The following RAD51B variants were observed in gnomAD, a reference collection of about 807,000 sequenced individuals.
The protein encoded by RAD51B is DNA repair protein RAD51 homolog 2.
RAD51B carries 38 observed loss-of-function variants against 42.2 expected under a neutral mutation model. That is an observed-to-expected ratio of 0.90 (90% CI 0.70 to 1.18). The LOEUF is 1.18. RAD51B is among the 50% of genes most tolerant of loss of function. The probability of loss-of-function intolerance (pLI) is 0.00; values close to 1 mark genes in which losing one functional copy is unlikely to be tolerated. For synonymous variants in RAD51B, 154 were observed against 145.2 expected (o/e 1.06, Z -0.43); for missense variants, 373 against 400.7 (o/e 0.93, Z 0.59).
chr14:68,330,836 G>C (rs1241234095), intron 8 of RAD51B, among the ~76,000 whole-genome samples: 3 of 152,020 alleles, frequency 2.0e-5, no homozygotes, highest in Admixed American at 6.6e-5. Context: ...GCAAATCATG[G>C]GACAGTTTAG....
intron 7 of RAD51B, among the ~76,000 whole-genome samples, chr14:68,279,209 C>T (rs2081277323): frequency 1.3e-5 from 2 of 152,186 alleles, no homozygotes; most frequent in African/African-American, 4.8e-5. Context: ...CAGGAGGAGT[C>T]CATGAGAAGG....
exon 11 of RAD51B, chr14:68,611,410 A>T (rs1891678026): frequency 4.9e-6 from 3 of 611,106 alleles, no homozygotes; most frequent in Admixed American, 5.2e-5. Context: ...TCTTCTCTAC[A>T]TCTTCCTCCC....
At chr14:68,120,158 A>G (rs1295925774) in intron 7 of RAD51B, among the ~76,000 whole-genome samples, 1 of 151,378 alleles carries the variant, frequency 6.6e-6, no homozygotes, top group Non-Finnish European at 1.5e-5. Context: ...CCACTTTTTG[A>G]TGGGGTTGTT....
At chr14:68,330,922 G>A (rs1296973233) in intron 8 of RAD51B, among the ~76,000 whole-genome samples, 2 of 152,142 alleles carry the variant, frequency 1.3e-5, no homozygotes, top group African/African-American at 2.4e-5. Context: ...GTCAGCTCTA[G>A]TATGTATGTG....
At chr14:67,946,325 A>G (rs1216887231) in intron 7 of RAD51B, among the ~76,000 whole-genome samples, 1 of 152,006 alleles carries the variant, frequency 6.6e-6, no homozygotes, top group Non-Finnish European at 1.5e-5. Context: ...TAAATTTTAA[A>G]TTTCATCCCT....
chr14:68,504,094 C>T (rs1232743093), intron 10 of RAD51B, among the ~76,000 whole-genome samples: 2 of 152,100 alleles, frequency 1.3e-5, no homozygotes, highest in Admixed American at 1.3e-4. Flanking sequence ...TAGTACCTTT[C>T]GTTTTAGGCA....
chr14:68,550,344 T>C (rs1888471594), intron 10 of RAD51B, among the ~76,000 whole-genome samples: 1 of 152,240 alleles, frequency 6.6e-6, no homozygotes, highest in Non-Finnish European at 1.5e-5. Context: ...TAAGTGATTA[T>C]TCATGGAATC....
At chr14:68,331,319 G>T (rs950182213) in intron 8 of RAD51B, among the ~76,000 whole-genome samples, 5 of 127,642 alleles carry the variant, frequency 3.9e-5, no homozygotes, top group African/African-American at 1.2e-4. Context: ...AATGAGCCAA[G>T]ATCATGCCAC....
intron 7 of RAD51B, among the ~76,000 whole-genome samples, chr14:67,975,352 A>G (rs2074973443): frequency 6.6e-6 from 1 of 152,122 alleles, no homozygotes; most frequent in Non-Finnish European, 1.5e-5. Context: ...CTTATTAATA[A>G]CCAGTTGTGA....
At chr14:68,670,825 A>G (rs1893140889) in intron 11 of RAD51B, among the ~76,000 whole-genome samples, 1 of 151,874 alleles carries the variant, frequency 6.6e-6, no homozygotes, top group South Asian at 2.1e-4. Context: ...AGTACCAAAG[A>G]CCCTTTCTTT....
At chr14:68,429,708 C>G (rs968343700) in intron 9 of RAD51B, among the ~76,000 whole-genome samples, 2 of 152,154 alleles carry the variant, frequency 1.3e-5, no homozygotes, top group Non-Finnish European at 2.9e-5. Flanking sequence ...TGCCTGTTCA[C>G]TCTGATGGTA....
chr14:68,112,157 T>C (rs564977236), intron 7 of RAD51B, among the ~76,000 whole-genome samples: 12 of 152,086 alleles, frequency 7.9e-5, no homozygotes, highest in African/African-American at 2.4e-4. Flanking sequence ...TAACCTCATA[T>C]AGGAAATTCA....
At chr14:67,868,911 A>G (rs1402019286) in intron 5 of RAD51B, among the ~76,000 whole-genome samples, 2 of 152,274 alleles carry the variant, frequency 1.3e-5, no homozygotes, top group South Asian at 4.1e-4. Context: ...AACAGAAAGG[A>G]CATCCACACC....
intron 10 of RAD51B, among the ~76,000 whole-genome samples, chr14:68,496,738 G>A (rs1406903223): frequency 6.6e-6 from 1 of 152,204 alleles, no homozygotes; most frequent in Non-Finnish European, 1.5e-5. Context: ...ATAGGAGGAG[G>A]TCAAAATATC....
At chr14:68,114,783 T>C (rs1017559813) in intron 7 of RAD51B, among the ~76,000 whole-genome samples, 3 of 152,200 alleles carry the variant, frequency 2.0e-5, no homozygotes, top group African/African-American at 7.2e-5. Flanking sequence ...GTATTATTTA[T>C]TGAGTGTTAA....
intron 9 of RAD51B, among the ~76,000 whole-genome samples, chr14:68,447,804 AC>A (rs2085457198): frequency 6.6e-6 from 1 of 152,066 alleles, no homozygotes; most frequent in Non-Finnish European, 1.5e-5. Flanking sequence ...CAAAAATACA[AC>A]CTTTTCTGGG....
rs565370338 is a variant in RAD51B at position 68,309,344 on chromosome 14, G to A, written c.853+17364G>A. Among the ~76,000 whole-genome samples, 40 of 152,250 alleles carry A rather than the reference G, an allele frequency of 2.6e-4. 2 individuals are homozygous for A. In the South Asian group the frequency reaches 6.8e-3, roughly 26 times the overall value. On this transcript the variant is annotated intron_variant, in intron 8 of 10. Transcript: ENST00000471583. ...TTTTTAAAGTAAAAGCCAAGTCAAT[G>A]GCACTGGTACTTGTAGTGAAATGAG...
At chr14:68,209,562 A>G (rs1008190983) in intron 7 of RAD51B, among the ~76,000 whole-genome samples, 2 of 152,172 alleles carry the variant, frequency 1.3e-5, no homozygotes, top group Non-Finnish European at 2.9e-5. Context: ...TCCAACATTT[A>G]AAAGAGCAGA....
chr14:68,356,720 G>A (rs1312080206), intron 8 of RAD51B, among the ~76,000 whole-genome samples: 1 of 151,962 alleles, frequency 6.6e-6, no homozygotes, highest in Non-Finnish European at 1.5e-5. Context: ...GGTGGCTCAC[G>A]CCTGTAATCC....
Sources: allele counts gnomAD v4.1 joint callset (sites outside exome capture counted in the v4.1 genomes callset), GRCh38; gene constraint gnomAD v4.1.1; transcripts MANE v1.5; gene names NCBI Gene and HGNC (gene_info 2026-07-23, HGNC 2026-07-21).